MYO1H: variants seen among roughly 807,000 people sequenced by gnomAD.
MYO1H encodes myosin IH.
In MYO1H, 118 loss-of-function variants were observed where a neutral mutation model predicts 149.3. The observed-to-expected ratio is 0.79, with a 90% CI of 0.68 to 0.92. The LOEUF (loss-of-function observed/expected upper bound fraction) is 0.92. Among genes scored for constraint, MYO1H ranks in the 40% least tolerant of loss-of-function variants. MYO1H has a pLI of 0.00. For synonymous variants in MYO1H, 447 were observed against 465.2 expected, an observed-to-expected ratio of 0.96 and a Z score of 0.50; for missense variants, 1,212 against 1,280.7, an observed-to-expected ratio of 0.95 and a Z score of 0.82.
chr12:109,434,829 AG>A (rs1259382408), intron 20 of MYO1H, among the ~76,000 whole-genome samples: 1 of 152,146 alleles, frequency 6.6e-6, no homozygotes, highest in East Asian at 1.9e-4. Flanking sequence ...CTGTGTGTAT[AG>A]AGACACTCTC....
intron 1 of MYO1H, among the ~76,000 whole-genome samples, chr12:109,382,814 G>C (rs1389911587): frequency 6.7e-6 from 1 of 149,874 alleles, no homozygotes; most frequent in Non-Finnish European, 1.5e-5. Flanking sequence ...TTTTGTGTAT[G>C]AGAACTTTTC....
At chr12:109,357,502 G>GT (rs1281096624) in intron 1 of MYO1H, among the ~76,000 whole-genome samples, 1 of 152,188 alleles carries the variant, frequency 6.6e-6, no homozygotes, top group Non-Finnish European at 1.5e-5. Context: ...GGGCCAGATA[G>GT]TAAGTATCTT....
chr12:109,394,961 T>C (rs1461149754), intron 3 of MYO1H, among the ~76,000 whole-genome samples: 1 of 152,124 alleles, frequency 6.6e-6, no homozygotes, highest in Non-Finnish European at 1.5e-5. Context: ...AGGGTCTCAG[T>C]GTGTTGCCCA....
At chr12:109,400,217 T>C (rs1445384213) in intron 5 of MYO1H, among the ~76,000 whole-genome samples, 1 of 152,202 alleles carries the variant, frequency 6.6e-6, no homozygotes, top group Non-Finnish European at 1.5e-5. Flanking sequence ...GACCGTGACA[T>C]ATAGCACTTT....
chr12:109,445,279 CT>C, intron 30 of MYO1H: 1 of 440,554 alleles, frequency 2.3e-6, no homozygotes, highest in Admixed American at 4.0e-5. Flanking sequence ...TCAACTGACC[CT>C]TTGAAGAACT....
chr12:109,431,689 TA>T (rs1871627105), intron 19 of MYO1H, among the ~76,000 whole-genome samples: 1 of 152,212 alleles, frequency 6.6e-6, no homozygotes, highest in African/African-American at 2.4e-5. Flanking sequence ...GTTGTTTCAT[TA>T]TACTACAGAC....
intron 18 of MYO1H, among the ~76,000 whole-genome samples, 158 bp from the exon 19 acceptor site, chr12:109,427,311 C>CAA (rs1871388953): frequency 1.7e-5 from 2 of 117,858 alleles, no homozygotes; most frequent in African/African-American, 7.4e-5. Flanking sequence ...AATGAAACCC[C>CAA]ATCTCAAAAA....
At chr12:109,338,630 T>A in the MYO1H span, among the ~76,000 whole-genome samples, 1 of 151,948 alleles carries the variant, frequency 6.6e-6, no homozygotes, top group South Asian at 2.1e-4. Context: ...CAGCCAGGTG[T>A]GATGGCACGC....
Position 109,432,877 on chromosome 12 carries a change from A to T in MYO1H, c.1950-20A>T, listed in dbSNP as rs181932699. On this transcript the variant is annotated intron_variant, in intron 19 of 31. Transcript: ENST00000310903. ...AGGAAGGTACGGTCACAGCTTCTCC[A>T]TGTCCATCTCCTCTCCTAGGTACAA... The T allele has an allele frequency of 9.8e-4, 1,570 of 1,604,930 alleles. 17 individuals are homozygous for T. The Admixed American group carries it at 0.025, about 26-fold the overall frequency.
At chr12:109,370,691 C>T (rs1035872393) in intron 1 of MYO1H, among the ~76,000 whole-genome samples, 1 of 152,142 alleles carries the variant, frequency 6.6e-6, no homozygotes, top group Non-Finnish European at 1.5e-5. Context: ...AACCTGTGCT[C>T]GCTCTCAGAC....
the MYO1H span, among the ~76,000 whole-genome samples, chr12:109,315,314 T>G: frequency 6.6e-6 from 1 of 152,254 alleles, no homozygotes; most frequent in South Asian, 2.1e-4. Flanking sequence ...TCGTGCAGGA[T>G]TATTGCTCTA....
At chr12:109,328,478 G>C in the MYO1H span, among the ~76,000 whole-genome samples, 1 of 152,084 alleles carries the variant, frequency 6.6e-6, no homozygotes, top group Non-Finnish European at 1.5e-5. Context: ...TTACTGGTTT[G>C]AGCTGTTACA....
At chr12:109,349,506 T>C in intron 1 of MYO1H, among the ~76,000 whole-genome samples, 1 of 128,896 alleles carries the variant, frequency 7.8e-6, no homozygotes, top group African/African-American at 3.2e-5. Context: ...CCAAAAAAAT[T>C]AAAAAGTAGC....
chr12:109,402,416 G>A (rs551504660), intron 6 of MYO1H, among the ~76,000 whole-genome samples: 1 of 152,232 alleles, frequency 6.6e-6, no homozygotes, highest in African/African-American at 2.4e-5. Context: ...ATAAAATGAG[G>A]ATCAACACTT....
intron 22 of MYO1H, 93 bp downstream of exon 22, chr12:109,436,649 C>A: frequency 1.2e-6 from 1 of 823,048 alleles, no homozygotes; most frequent in Non-Finnish European, 2.0e-6. Context: ...CCTGCTCATC[C>A]TTAAAACCTT....
At chr12:109,340,111 A>G in the MYO1H span, among the ~76,000 whole-genome samples, 7 of 152,168 alleles carry the variant, frequency 4.6e-5, no homozygotes, top group African/African-American at 1.7e-4. Context: ...TACAATATCC[A>G]TTTAAAAGTA....
At chr12:109,360,266 T>C (rs1393878868) in intron 1 of MYO1H, among the ~76,000 whole-genome samples, 2 of 152,170 alleles carry the variant, frequency 1.3e-5, no homozygotes, top group African/African-American at 2.4e-5. Context: ...ATTGTCTCTC[T>C]AAATACTGAG....
chr12:109,447,865 G>T (rs963585053), exon 32 of MYO1H: 2 of 152,398 alleles, frequency 1.3e-5, no homozygotes, highest in Non-Finnish European at 2.9e-5. Flanking sequence ...GAGAACGAAT[G>T]AATACAAATT....
At chr12:109,378,270 G>A (rs995107396) in intron 1 of MYO1H, among the ~76,000 whole-genome samples, 5 of 151,512 alleles carry the variant, frequency 3.3e-5, no homozygotes, top group African/African-American at 1.2e-4. Flanking sequence ...CTACCAGAAT[G>A]TTTTCCAAAG....
Sources: allele counts gnomAD v4.1 joint callset (sites outside exome capture counted in the v4.1 genomes callset), GRCh38; gene constraint gnomAD v4.1.1; transcripts MANE v1.5; gene names NCBI Gene and HGNC (gene_info 2026-07-23, HGNC 2026-07-21).